NUP214: variants seen among roughly 807,000 people sequenced by gnomAD.
The protein encoded by NUP214 is nuclear pore complex protein Nup214.
Under a neutral mutation model 196.2 loss-of-function variants are expected in NUP214, and 79 were observed. The observed-to-expected ratio is 0.40, with a 90% CI of 0.34 to 0.49. The LOEUF is 0.49. NUP214 is among the 20% of genes least tolerant of loss of function. The probability of loss-of-function intolerance (pLI) is 0.58; values close to 1 mark genes in which losing one functional copy is unlikely to be tolerated. For missense variants in NUP214, 2,468 were observed against 2,539.0 expected, an observed-to-expected ratio of 0.97 and a Z score of 0.60; for synonymous variants, 1,020 against 990.5, an observed-to-expected ratio of 1.03 and a Z score of -0.56.
chr9:131,190,436 C>G (rs1456300983), intron 26 of NUP214: 2 of 691,812 alleles, frequency 2.9e-6, no homozygotes, highest in Admixed American at 2.1e-5. Context: ...ATCATGAAAT[C>G]CTCTCTTTTG....
chr9:131,149,089 C>T (rs1832173216), intron 14 of NUP214, among the ~76,000 whole-genome samples: 2 of 152,078 alleles, frequency 1.3e-5, no homozygotes, highest in Admixed American at 1.3e-4. Context: ...CACGTGATTA[C>T]TTGAGTGCCC....
intron 34 of NUP214, 23 bp downstream of exon 34, chr9:131,230,792 C>T (rs1271173021): frequency 6.2e-7 from 1 of 1,607,656 alleles, no homozygotes; most frequent in African/African-American, 1.3e-5. Context: ...AAGTTCTCCC[C>T]TCACAAGCAA....
intron 31 of NUP214, among the ~76,000 whole-genome samples, chr9:131,221,296 T>TATGAGAG (rs1834548933): frequency 6.6e-6 from 1 of 152,138 alleles, no homozygotes; most frequent in Non-Finnish European, 1.5e-5. Flanking sequence ...GACATGTGGG[T>TATGAGAG]CCTTAGCCAG....
chr9:131,134,701 G>A (rs987429989), intron 7 of NUP214, among the ~76,000 whole-genome samples, 197 bp from the exon 8 acceptor site: 1 of 152,138 alleles, frequency 6.6e-6, no homozygotes, highest in Non-Finnish European at 1.5e-5. Flanking sequence ...GCAGAACAGA[G>A]TTTAAATGCA....
At chr9:131,219,405 AT>A (rs1834495337) in intron 31 of NUP214, among the ~76,000 whole-genome samples, 2 of 152,208 alleles carry the variant, frequency 1.3e-5, no homozygotes, top group South Asian at 4.1e-4. Context: ...CCTTTGTGAC[AT>A]TTATGCCCCG....
Position 131,191,972 on chromosome 9 carries a change from G to A in NUP214, c.3575-236G>A, listed in dbSNP as rs1588156411. 5 of 374,192 alleles carry A rather than the reference G, an allele frequency of 1.3e-5. No homozygotes were observed. In the East Asian group the frequency reaches 2.1e-4, roughly 16 times the overall value. The allele number at this position is 374,192 out of a possible 1,614,324, so 23.2% of individuals were successfully genotyped here. ...TATATTTTCTGTAAAGGAGAAGATG[G>A]CACACCTTAGACTGGAATTAACATT... On this transcript the variant is annotated intron_variant, in intron 26 of 35. Coordinates refer to ENST00000359428, the MANE Select transcript of NUP214 (RefSeq NM_005085.4).
intron 30 of NUP214, among the ~76,000 whole-genome samples, chr9:131,208,724 A>G (rs972244704): frequency 2.0e-5 from 3 of 149,196 alleles, no homozygotes; most frequent in Non-Finnish European, 4.5e-5. Context: ...AAACAAAAGG[A>G]ATGAAGTTCT....
intron 17 of NUP214, among the ~76,000 whole-genome samples, chr9:131,155,286 A>G (rs951511601): frequency 6.6e-6 from 1 of 152,138 alleles, no homozygotes; most frequent in Non-Finnish European, 1.5e-5. Flanking sequence ...CCATTTGTAT[A>G]TCTTTTAAGA....
chr9:131,230,600 G>A lies in NUP214; in HGVS notation c.6075-30G>A, dbSNP rs201342294. ...TGGGCAAGTGGTGAGAGGCCCCACT[G>A]ACCTCAGTCTGTTTCTCACTGGAGC... On this transcript the variant is annotated intron_variant, in intron 33 of 35. Coordinates refer to ENST00000359428, the MANE Select transcript of NUP214 (RefSeq NM_005085.4). 6.6e-4 allele frequency: 1,060 copies of A among 1,612,878 alleles called. 7 individuals are homozygous for A. In the South Asian group the frequency reaches 9.0e-3, roughly 14 times the overall value.
intron 30 of NUP214, among the ~76,000 whole-genome samples, chr9:131,210,234 A>C (rs909619256): frequency 2.0e-5 from 3 of 152,252 alleles, no homozygotes; most frequent in African/African-American, 7.2e-5. Flanking sequence ...AGATATTGGA[A>C]CTGGAGACAG....
intron 4 of NUP214, among the ~76,000 whole-genome samples, chr9:131,130,144 T>G (rs2478782): frequency 3.7e-5 from 4 of 106,786 alleles, no homozygotes; most frequent in African/African-American, 7.0e-5. Flanking sequence ...TTTGTTTTTT[T>G]TTTTTTGTTT....
intron 13 of NUP214, among the ~76,000 whole-genome samples, chr9:131,147,239 C>T (rs1242345607): frequency 6.6e-6 from 1 of 152,134 alleles, no homozygotes; most frequent in Non-Finnish European, 1.5e-5. Flanking sequence ...CCTCCTGCCT[C>T]AGCCTCCCAA....
chr9:131,198,429 T>C lies in NUP214; in HGVS notation c.4935T>C (p.Phe1645=). 6.2e-7 allele frequency: 1 copy of C among 1,614,248 alleles called. No homozygotes were observed. Among genetic ancestry groups the C allele is most frequent in the Non-Finnish European group, 8.5e-7 (1 of 1,180,036 alleles). ...FGTVTSGSSV[F]AQPPAASSSS... is the part of the protein sequence containing the mutation. ...CCGTCACTTCTGGCTCATCCGTCTT[T>C]GCTCAGCCTCCTGCTGCCAGTTCTA... The change falls in exon 29 of 36, where the codon TTT becomes TTC. Residue 1645 remains phenylalanine, a synonymous_variant. Transcript: ENST00000359428.
chr9:131,146,114 G>A lies in NUP214; in HGVS notation c.1770-15G>A, dbSNP rs1371624982. ...TAGCAGGCTCTTCTGAGGCCTTCAG[G>A]CTGCCATTTTTCAGGTTTACTGCTG... is the stretch of plus-strand genomic sequence containing the variant. On this transcript the variant is annotated splice_polypyrimidine_tract_variant and intron_variant, in intron 12 of 35. Coordinates refer to ENST00000359428, the MANE Select transcript of NUP214 (RefSeq NM_005085.4). This position sits in a 1 kb window ranked among gnomAD's most constrained non-coding sequence, Gnocchi z 4.6. 2.5e-6 allele frequency: 4 copies of A among 1,613,642 alleles called. No homozygotes were observed. In the African/African-American group the frequency reaches 5.3e-5, roughly 22 times the overall value.
chr9:131,158,985 G>T (rs1832542997), intron 17 of NUP214: 1 of 161,462 alleles, frequency 6.2e-6, no homozygotes, highest in Non-Finnish European at 1.3e-5. Context: ...GACCTCAAGT[G>T]ATCTGCTTGC....
chr9:131,215,720 G>C (rs574338752), intron 31 of NUP214, among the ~76,000 whole-genome samples: 1 of 152,132 alleles, frequency 6.6e-6, no homozygotes, highest in East Asian at 1.9e-4. Context: ...GCAAGCCGAG[G>C]ATGCTGGGAG....
In NUP214 at chr9:131,187,383, C is replaced by CAT; in HGVS notation, c.3495+19_3495+20insAT. ...CAAGCAGGTAACTTACTGATTTTTA[C>CAT]TTTTTTTTTTTTTTTTTTTTTGAGA... On this transcript the variant is annotated intron_variant, in intron 25 of 35. Transcript: ENST00000359428. 2 of 1,056,482 alleles carry CAT rather than the reference C, an allele frequency of 1.9e-6. No individual in the cohort carries two copies. The highest frequency in any genetic ancestry group is 2.6e-6 in the Non-Finnish European group (2 of 769,276). The allele number at this position is 1,056,482 out of a possible 1,614,324, so 65.4% of individuals were successfully genotyped here. A position where few individuals can be genotyped will look rare whatever the true frequency, so the allele number is the denominator to read the frequency against.
chr9:131,163,247 C>A, intron 19 of NUP214, 74 bp downstream of exon 19: 3 of 1,442,468 alleles, frequency 2.1e-6, no homozygotes, highest in South Asian at 1.4e-5. Context: ...TAGAGTGGTT[C>A]AGATATGGGT....
intron 21 of NUP214, chr9:131,165,055 C>G (rs1251505134): frequency 1.3e-5 from 2 of 152,088 alleles, no homozygotes; most frequent in Non-Finnish European, 2.9e-5. Context: ...AGTTAATTTT[C>G]AAATAATTTT....
Sources: gnomAD v4.1 joint callset for allele counts (sites outside exome capture counted in the v4.1 genomes callset) on GRCh38, gnomAD v4.1.1 for gene constraint, Gnocchi (gnomAD v3.1) non-coding constraint, MANE v1.5 for transcripts, NCBI Gene and HGNC (gene_info 2026-07-23, HGNC 2026-07-21) for gene names.